The following PDE3B variants were observed in gnomAD, a reference collection of about 807,000 sequenced individuals.
PDE3B encodes cGMP-inhibited 3',5'-cyclic phosphodiesterase 3B.
PDE3B carries 66 observed loss-of-function variants against 116.8 expected under a neutral mutation model. The observed-to-expected ratio is 0.56, with a 90% confidence interval of 0.46 to 0.69. PDE3B has a LOEUF of 0.69. PDE3B is among the 30% of genes least tolerant of loss of function. PDE3B has a pLI of 0.00. For synonymous variants in PDE3B, 595 were observed against 533.6 expected (o/e 1.12, Z -1.59); for missense variants, 1,384 against 1,368.1 (o/e 1.01, Z -0.18).
intron 1 of PDE3B, among the ~76,000 whole-genome samples, chr11:14,742,683 G>T (rs563903257): frequency 6.6e-5 from 10 of 152,124 alleles, no homozygotes; most frequent in South Asian, 2.1e-4. Context: ...GGAATTTTCA[G>T]CCTTTTTGTG....
intron 5 of PDE3B, among the ~76,000 whole-genome samples, chr11:14,816,264 A>G (rs1015601827): frequency 1.1e-4 from 17 of 152,218 alleles, no homozygotes; most frequent in Admixed American, 1.1e-3. Flanking sequence ...ATATCTTCAC[A>G]ACAACATCTA....
At chr11:14,712,909 A>T (rs1473330302) in intron 1 of PDE3B, among the ~76,000 whole-genome samples, 1 of 152,234 alleles carries the variant, frequency 6.6e-6, no homozygotes, top group Non-Finnish European at 1.5e-5. Context: ...ATATGATGTA[A>T]TATCTTAAAT....
At chr11:14,677,205 T>C (rs922327779) in intron 1 of PDE3B, among the ~76,000 whole-genome samples, 1 of 152,182 alleles carries the variant, frequency 6.6e-6, no homozygotes, top group African/African-American at 2.4e-5. Context: ...ATGGCACTTA[T>C]CTTGTTGTAT....
chr11:14,724,098 A>G (rs1856207715), intron 1 of PDE3B, among the ~76,000 whole-genome samples: 1 of 152,012 alleles, frequency 6.6e-6, no homozygotes, highest in Non-Finnish European at 1.5e-5. Context: ...TAACCAAACA[A>G]AAAAGATGGA....
chr11:14,811,523 A>G (rs950636323), intron 5 of PDE3B, among the ~76,000 whole-genome samples: 5 of 151,998 alleles, frequency 3.3e-5, no homozygotes, highest in South Asian at 2.1e-4. Flanking sequence ...TACCAGTACC[A>G]TGCTGTTTTG....
At chr11:14,843,289 T>C (rs1375289928) in intron 11 of PDE3B, among the ~76,000 whole-genome samples, 3 of 152,196 alleles carry the variant, frequency 2.0e-5, no homozygotes, top group Admixed American at 6.5e-5. Flanking sequence ...CGTTATATTA[T>C]ATGGAGCTTC....
At chr11:14,704,226 C>T (rs533879515) in intron 1 of PDE3B, among the ~76,000 whole-genome samples, 81 of 151,790 alleles carry the variant, frequency 5.3e-4, no homozygotes, top group Admixed American at 1.9e-3. Context: ...ATTAAACCAG[C>T]ATGTCTGAAT....
intron 1 of PDE3B, among the ~76,000 whole-genome samples, chr11:14,660,535 C>G (rs979731726): frequency 1.3e-5 from 2 of 151,994 alleles, no homozygotes; most frequent in African/African-American, 2.4e-5. Flanking sequence ...AACTCCTGAG[C>G]TCTAGTCATC....
chr11:14,844,512 G>A (rs988612099), intron 12 of PDE3B, among the ~76,000 whole-genome samples: 10 of 152,336 alleles, frequency 6.6e-5, no homozygotes, highest in South Asian at 6.2e-4. Flanking sequence ...CGCACCGTGC[G>A]CGAGCCGAAG....
intron 2 of PDE3B, among the ~76,000 whole-genome samples, chr11:14,777,488 T>C (rs1469595853): frequency 6.6e-6 from 1 of 152,044 alleles, no homozygotes; most frequent in Non-Finnish European, 1.5e-5. Context: ...AAAGAAAATA[T>C]CTTAAAAAGC....
At chr11:14,794,342 A>T (rs1407108482) in intron 4 of PDE3B, among the ~76,000 whole-genome samples, 1 of 147,446 alleles carries the variant, frequency 6.8e-6, no homozygotes, top group African/African-American at 2.5e-5. Flanking sequence ...TTTGAGACAG[A>T]GTCTCACTCT....
At chr11:14,896,823 G>T in the PDE3B span, among the ~76,000 whole-genome samples, 17 of 152,190 alleles carry the variant, frequency 1.1e-4, no homozygotes, top group Non-Finnish European at 2.4e-4. Context: ...GCCTTCTTCT[G>T]CTTTGCAAAT....
At chr11:14,648,262 G>A (rs1853469123) in intron 1 of PDE3B, among the ~76,000 whole-genome samples, 1 of 151,978 alleles carries the variant, frequency 6.6e-6, no homozygotes. Context: ...TATACCTTTA[G>A]TGCTAAGTGC....
At chr11:14,656,133 G>T (rs1027263867) in intron 1 of PDE3B, among the ~76,000 whole-genome samples, 6 of 152,102 alleles carry the variant, frequency 3.9e-5, no homozygotes, top group Non-Finnish European at 8.8e-5. Flanking sequence ...AAAAAAGGAG[G>T]TATGAAGATG....
chr11:14,863,373 G>T (rs1461493142), intron 14 of PDE3B, among the ~76,000 whole-genome samples: 2 of 152,110 alleles, frequency 1.3e-5, no homozygotes, highest in Admixed American at 6.5e-5. Flanking sequence ...ACGTTCTAAT[G>T]ATCGCCATTC....
At chr11:14,779,212 G>A (rs576131672) in intron 2 of PDE3B, among the ~76,000 whole-genome samples, 5 of 152,232 alleles carry the variant, frequency 3.3e-5, no homozygotes, top group South Asian at 2.1e-4. Context: ...TGAAAGTGAC[G>A]GGGAGAATGG....
chr11:14,816,975 G>A (rs1208319718), intron 5 of PDE3B, among the ~76,000 whole-genome samples: 2 of 152,144 alleles, frequency 1.3e-5, no homozygotes, highest in African/African-American at 4.8e-5. Flanking sequence ...CTGCTGTAAA[G>A]ACACATGCAC....
At chr11:14,744,801 C>CA (rs1469054573) in intron 1 of PDE3B, among the ~76,000 whole-genome samples, 1 of 152,066 alleles carries the variant, frequency 6.6e-6, no homozygotes, top group Non-Finnish European at 1.5e-5. Flanking sequence ...AGAACTTTTG[C>CA]ATTAGGGACA....
chr11:14,723,602 A>G (rs1856189721), intron 1 of PDE3B, among the ~76,000 whole-genome samples: 2 of 152,054 alleles, frequency 1.3e-5, no homozygotes. Context: ...CAAATTTAAA[A>G]AAAAACCCAT....
Sources: allele counts gnomAD v4.1 joint callset (sites outside exome capture counted in the v4.1 genomes callset), GRCh38; gene constraint gnomAD v4.1.1; transcripts MANE v1.5; gene names NCBI Gene and HGNC (gene_info 2026-07-23, HGNC 2026-07-21).